Variants in ARSK observed in about 807,000 individuals in gnomAD.
The protein encoded by ARSK is arylsulfatase K.
A neutral mutation model predicts 53.2 loss-of-function variants in ARSK; 37 were observed. The ratio of observed to expected loss-of-function variants is 0.70; its 90% CI spans 0.54 to 0.92. The LOEUF is 0.92. Among genes scored for constraint, ARSK ranks in the 40% least tolerant of loss-of-function variants. The pLI is 0.00. For synonymous variants in ARSK, 208 were observed against 223.2 expected (o/e 0.93, Z 0.61); for missense variants, 613 against 643.0 (o/e 0.95, Z 0.51).
At chr5:95,581,686 C>T (rs1224620171) in intron 3 of ARSK, among the ~76,000 whole-genome samples, 2 of 152,060 alleles carry the variant, frequency 1.3e-5, no homozygotes, top group African/African-American at 2.4e-5. Context: ...GTTATAAACC[C>T]GTAAAATTCC....
chr5:95,589,112 C>T (rs1354146579), intron 5 of ARSK, among the ~76,000 whole-genome samples: 3 of 152,186 alleles, frequency 2.0e-5, no homozygotes, highest in African/African-American at 7.2e-5. Flanking sequence ...TCAGTTGTTA[C>T]CTCCTCAGGG....
At chr5:95,602,578 T>G (rs1184554455) in intron 7 of ARSK, among the ~76,000 whole-genome samples, 1 of 152,220 alleles carries the variant, frequency 6.6e-6, no homozygotes, top group African/African-American at 2.4e-5. Context: ...ATAAGATCTC[T>G]GACTTGCTGT....
rs774492533 is a variant in ARSK at position 95,591,617 on chromosome 5, C to T, written c.1088C>T (p.Thr363Ile). 1.2e-6 allele frequency: 2 copies of T among 1,613,638 alleles called. No homozygotes were observed. Among genetic ancestry groups the T allele is most frequent in the Non-Finnish European group, 1.7e-6 (2 of 1,179,576 alleles). The part of the protein sequence containing the change: ...NVVSLVDIYP[T>I]MLDIAGIPLP... ...GTTTCTCTTGTGGATATTTACCCTACCATGCTTGGTAAGTAATGTAGTTCT... is the reference window on the plus strand; with the variant it reads ...GTTTCTCTTGTGGATATTTACCCTATCATGCTTGGTAAGTAATGTAGTTCT... Residue 363 changes from threonine (T) to isoleucine (I), a missense_variant, in exon 6 of 8, where the codon ACC (threonine) becomes ATC (isoleucine). Transcript: ENST00000380009.
rs549982820 is a variant in ARSK at position 95,584,544 on chromosome 5, C to T, written c.699+1346C>T. Among the ~76,000 whole-genome samples, 4 of 152,242 alleles carry T rather than the reference C, an allele frequency of 2.6e-5. No homozygotes were observed. The South Asian group carries it at 6.2e-4, about 24-fold the overall frequency. On this transcript the variant is annotated intron_variant, in intron 4 of 7. Coordinates refer to ENST00000380009, the MANE Select transcript of ARSK (RefSeq NM_198150.3). The stretch of plus-strand genomic sequence containing the variant: ...AATCAATTTTAAGTTACTTTAAAAA[C>T]TAATCAGTTAATTCAACTAAAAAGC...
At chr5:95,567,653 T>G (rs1255479252) in intron 2 of ARSK, among the ~76,000 whole-genome samples, 1 of 152,210 alleles carries the variant, frequency 6.6e-6, no homozygotes, top group Non-Finnish European at 1.5e-5. Flanking sequence ...CTTAAGTAAC[T>G]TAAGCACTAA....
chr5:95,583,203 G>A lies in ARSK; in HGVS notation c.699+5G>A. 2 of 1,545,884 alleles carry A rather than the reference G, an allele frequency of 1.3e-6. No individual in the cohort carries two copies. The highest frequency in any genetic ancestry group is 8.8e-7 in the Non-Finnish European group (1 of 1,140,338). Reference sequence around the variant, plus strand: ...TCTCTTTATTGGCTTGAAAAAGTAAGTAACTACATTGTGTGTGCTCAAAAG... The same window carrying A: ...TCTCTTTATTGGCTTGAAAAAGTAAATAACTACATTGTGTGTGCTCAAAAG... On this transcript the variant is annotated splice_donor_5th_base_variant and intron_variant, in intron 4 of 7. Coordinates refer to ENST00000380009, the MANE Select transcript of ARSK (RefSeq NM_198150.3).
At chr5:95,570,379 T>A (rs1365122009) in intron 3 of ARSK, among the ~76,000 whole-genome samples, 1 of 152,178 alleles carries the variant, frequency 6.6e-6, no homozygotes, top group Non-Finnish European at 1.5e-5. Context: ...CCCCTACTCT[T>A]CCCTGCTAAT....
At position 95,600,966 on chromosome 5, in the gene ARSK, G is replaced by A. The variant is rs1406553134; in HGVS notation, c.1216G>A (p.Glu406Lys). 5 of 1,614,104 alleles carry A rather than the reference G, an allele frequency of 3.1e-6. No individual in the cohort carries two copies. Among genetic ancestry groups the A allele is most frequent in the East Asian group, 2.2e-5 (1 of 44,878 alleles). ...CCTGCATCCACCCTGGATTCTGAGT[G>A]AATTCCATGGATGTAATGTGAATGC... ...KNLHPPWILS[E>K]FHGCNVNAST... The change falls in exon 7 of 8, where the codon GAA becomes AAA. Residue 406 changes from glutamate (E) to lysine (K), a missense_variant. By Grantham distance (56) the Glu-to-Lys change is moderately conservative. Coordinates refer to ENST00000380009, the MANE Select transcript of ARSK (RefSeq NM_198150.3).
At chr5:95,584,601 T>C (rs1230162169) in intron 4 of ARSK, among the ~76,000 whole-genome samples, 1 of 152,076 alleles carries the variant, frequency 6.6e-6, no homozygotes, top group African/African-American at 2.4e-5. Flanking sequence ...ATCAGCATAA[T>C]GAACAACCAC....
intron 4 of ARSK, among the ~76,000 whole-genome samples, chr5:95,585,482 C>T (rs559474243): frequency 4.4e-4 from 67 of 152,274 alleles, no homozygotes; most frequent in African/African-American, 1.5e-3. Flanking sequence ...AAATACTACT[C>T]AGCCGTAAGA....
chr5:95,557,296 A>G (rs1205013602), intron 1 of ARSK, among the ~76,000 whole-genome samples: 3 of 152,190 alleles, frequency 2.0e-5, no homozygotes, highest in Non-Finnish European at 4.4e-5. Flanking sequence ...GGACAAATCT[A>G]GAAAGTATAT....
intron 5 of ARSK, among the ~76,000 whole-genome samples, chr5:95,589,917 T>G (rs1460101199): frequency 6.6e-6 from 1 of 152,204 alleles, no homozygotes; most frequent in African/African-American, 2.4e-5. Flanking sequence ...CATTCCTATT[T>G]CTCCACAACC....
At chr5:95,601,592 A>C (rs1749402605) in intron 7 of ARSK, among the ~76,000 whole-genome samples, 1 of 152,204 alleles carries the variant, frequency 6.6e-6, no homozygotes, top group Non-Finnish European at 1.5e-5. Flanking sequence ...GATGCTTCTT[A>C]CAGCTTCTAA....
intron 6 of ARSK, among the ~76,000 whole-genome samples, chr5:95,597,545 G>T (rs547214039): frequency 1.3e-5 from 2 of 152,284 alleles, no homozygotes; most frequent in African/African-American, 4.8e-5. Context: ...GTTACCAACT[G>T]CGTAATCTTG....
chr5:95,574,797 C>T (rs1748895908), intron 3 of ARSK, among the ~76,000 whole-genome samples: 1 of 151,864 alleles, frequency 6.6e-6, no homozygotes, highest in South Asian at 2.1e-4. Flanking sequence ...TGGGTTGTCT[C>T]TTCACTTTTT....
rs1415430176 is a variant in ARSK at position 95,586,674 on chromosome 5, A to T, written c.812A>T (p.Glu271Val). 6.2e-7 allele frequency: 1 copy of T among 1,612,088 alleles called. No individual in the cohort carries two copies. Among genetic ancestry groups the T allele is most frequent in the African/African-American group, 1.3e-5 (1 of 74,872 alleles). The change falls in exon 5 of 8, where the codon GAA (glutamate) becomes GTA (valine). Residue 271 changes from glutamate to valine, a missense_variant. Transcript: ENST00000380009. ...KNCTGRFTKK[E>V]IKNIRAFYYA... ...TGCACTGGAAGATTTACAAAAAAAG[A>T]AATTAAGAATATTAGAGCATTTTAT...
chr5:95,579,466 G>T lies in ARSK; in HGVS notation c.417-3450G>T, dbSNP rs184824962. Among the ~76,000 whole-genome samples, 278 of 152,272 alleles carry T rather than the reference G, an allele frequency of 1.8e-3. 2 individuals are homozygous for T. The highest frequency in any genetic ancestry group is 6.5e-3 in the African/African-American group (271 of 41,558). On this transcript the variant is annotated intron_variant, in intron 3 of 7. Coordinates refer to ENST00000380009, the MANE Select transcript of ARSK (RefSeq NM_198150.3). Reference sequence around the variant, plus strand: ...GCTTTTAAAAACCATCGGATCTCAGGAGACTTATTCACTACCACCAGAACA... The same window carrying T: ...GCTTTTAAAAACCATCGGATCTCAGTAGACTTATTCACTACCACCAGAACA...
rs1025829237 is a variant in ARSK at position 95,603,735 on chromosome 5, C to A, written c.*209C>A. Reference sequence around the variant, plus strand: ...CCATCCTGGCCAACATGGTGAAACCCTGTCTCTACTAAAAATACAAAAATT... The same window carrying A: ...CCATCCTGGCCAACATGGTGAAACCATGTCTCTACTAAAAATACAAAAATT... On this transcript the variant is annotated 3_prime_UTR_variant, in exon 8 of 8. Transcript: ENST00000380009. 8.6e-5 allele frequency: 27 copies of A among 313,870 alleles called. No homozygotes were observed. The highest frequency in any genetic ancestry group is 2.3e-5 in the Non-Finnish European group (4 of 175,690). The allele number at this position is 313,870 out of a possible 1,614,324, so 19.4% of individuals were successfully genotyped here. A position where few individuals can be genotyped will look rare whatever the true frequency, so the allele number is the denominator to read the frequency against.
chr5:95,555,556 C>T lies in ARSK; in HGVS notation c.126+152C>T, dbSNP rs188284807. ...AGAAAGAAATACATTTTATGTGAGG[C>T]CCCGTGTACTCACACGTACACCACA... is the stretch of plus-strand genomic sequence containing the variant. On this transcript the variant is annotated intron_variant, in intron 1 of 7. Coordinates refer to ENST00000380009, the MANE Select transcript of ARSK (RefSeq NM_198150.3). The surrounding 1 kb of genome is among the most constrained non-coding windows in gnomAD (Gnocchi z 4.0). 3,319 of 785,994 alleles carry T rather than the reference C, an allele frequency of 4.2e-3. 26 individuals are homozygous for T. The highest frequency in any genetic ancestry group is 7.2e-3 in the South Asian group (356 of 49,284). 48.7% of individuals were successfully genotyped at this position (785,994 alleles called of 1,614,324 possible). A position where few individuals can be genotyped will look rare whatever the true frequency, so the allele number is the denominator to read the frequency against.
Sources: allele counts gnomAD v4.1 joint callset (sites outside exome capture counted in the v4.1 genomes callset), GRCh38; gene constraint gnomAD v4.1.1; non-coding constraint Gnocchi (gnomAD v3.1); transcripts MANE v1.5; gene names NCBI Gene and HGNC (gene_info 2026-07-23, HGNC 2026-07-21).